Variants in MMP26 observed in about 807,000 individuals in gnomAD.
MMP26 encodes matrix metalloproteinase-26.
MMP26 carries 33 observed loss-of-function variants against 31.0 expected under a neutral mutation model. That is an observed-to-expected ratio of 1.06 (90% CI 0.81 to 1.42). MMP26 has a LOEUF of 1.42. Ranked by LOEUF, MMP26 falls within the 40% of genes most tolerant of loss-of-function variation. The probability of loss-of-function intolerance (pLI) is 0.00; values close to 1 mark genes in which losing one functional copy is unlikely to be tolerated. For synonymous variants in MMP26, 122 were observed against 114.9 expected (o/e 1.06, Z -0.40); for missense variants, 347 against 316.1 (o/e 1.10, Z -0.74).
At chr11:4,769,585 A>C (rs758286049) in intron 2 of MMP26, 1 of 1,613,466 alleles carries the variant, frequency 6.2e-7, no homozygotes, top group Non-Finnish European at 8.5e-7. Context: ...CAGATTCCAT[A>C]AAAGTGAATC....
Position 4,950,444 on chromosome 11 carries a change from G to T in MMP26, c.-144-37624G>T, listed in dbSNP as rs1205108691. On this transcript the variant is annotated intron_variant, in intron 2 of 7. Transcript: ENST00000380390. ...AGCCAGGCACAGAAAGACAAACACTGCATGTTCTCACTTAGATGTGGAATC... is the reference window on the plus strand; with the variant it reads ...AGCCAGGCACAGAAAGACAAACACTTCATGTTCTCACTTAGATGTGGAATC... 1.7e-5 allele frequency among the ~76,000 whole-genome samples: 2 copies of T among 120,628 alleles called. 1 individual carries two copies. The highest frequency in any genetic ancestry group is 1.9e-4 in the Admixed American group (2 of 10,632). The allele number at this position is 120,628 out of a possible 152,430, so 79.1% of individuals were successfully genotyped here.
chr11:4,743,496 G>C (rs1316920686), intron 1 of MMP26, among the ~76,000 whole-genome samples: 1 of 152,114 alleles, frequency 6.6e-6, no homozygotes, highest in African/African-American at 2.4e-5. Flanking sequence ...TGTAACCTAA[G>C]TTAACTGACA....
chr11:4,892,931 C>T (rs1298531332), intron 2 of MMP26, among the ~76,000 whole-genome samples: 1 of 152,118 alleles, frequency 6.6e-6, no homozygotes, highest in East Asian at 1.9e-4. Flanking sequence ...CTTTCACTCA[C>T]ATAGCATTTT....
chr11:4,796,845 A>C (rs1194623448), intron 2 of MMP26, among the ~76,000 whole-genome samples: 3 of 152,216 alleles, frequency 2.0e-5, no homozygotes, highest in Middle Eastern at 3.4e-3. Flanking sequence ...GAACCTTGGG[A>C]AAAGGATAAT....
intron 1 of MMP26, chr11:4,710,276 G>GA (rs759691664): frequency 3.1e-5 from 14 of 456,652 alleles, no homozygotes; most frequent in Non-Finnish European, 5.3e-5. Flanking sequence ...CAGAGGAGCA[G>GA]AAAAAGGCTT....
rs542683427 is a variant in MMP26 at position 4,744,194 on chromosome 11, C to A, written c.-216-23076C>A. Among the ~76,000 whole-genome samples the A allele has an allele frequency of 3.9e-5, 6 of 152,242 alleles. No individual in the cohort carries two copies. The East Asian group carries it at 1.2e-3, about 29-fold the overall frequency. ...AAATCTCAACTAGGTTTCACACTGACCGTATTTCCTTGATTTTTTTCCAGA... is the reference window on the plus strand; with the variant it reads ...AAATCTCAACTAGGTTTCACACTGAACGTATTTCCTTGATTTTTTTCCAGA... On this transcript the variant is annotated intron_variant, in intron 1 of 7. Coordinates refer to ENST00000380390, the MANE Select transcript of MMP26 (RefSeq NM_021801.5).
intron 1 of MMP26, among the ~76,000 whole-genome samples, chr11:4,726,197 C>T (rs1371570434): frequency 6.6e-6 from 1 of 152,092 alleles, no homozygotes; most frequent in Middle Eastern, 3.2e-3. Context: ...TTTTACTAGG[C>T]CGGGCATGGT....
At chr11:4,778,250 G>C (rs1848814115) in intron 2 of MMP26, among the ~76,000 whole-genome samples, 1 of 151,936 alleles carries the variant, frequency 6.6e-6, no homozygotes, top group South Asian at 2.1e-4. Flanking sequence ...GTGCTGTTTG[G>C]ATACTCCCTT....
chr11:4,872,347 C>A lies in MMP26; in HGVS notation c.-145+105006C>A, dbSNP rs7946800. Among the ~76,000 whole-genome samples, 491 of 152,176 alleles carry A rather than the reference C, an allele frequency of 3.2e-3. 2 individuals carry two copies. Among genetic ancestry groups the A allele is most frequent in the African/African-American group, 0.011 (473 of 41,544 alleles). ...AGTCTAGAATGATCACAATGCTCAG[C>A]AAGCATTACTTTTTCATTTCCTTCT... On this transcript the variant is annotated intron_variant, in intron 2 of 7. Coordinates refer to ENST00000380390, the MANE Select transcript of MMP26 (RefSeq NM_021801.5).
At chr11:4,915,591 G>GC in intron 2 of MMP26, 1 of 1,614,074 alleles carries the variant, frequency 6.2e-7, no homozygotes, top group Admixed American at 1.7e-5. Context: ...ATGCGCTCCA[G>GC]CCCAGGGATG....
At chr11:4,946,606 T>G (rs1846311130) in intron 2 of MMP26, 1 of 1,562,244 alleles carries the variant, frequency 6.4e-7, no homozygotes, top group African/African-American at 1.4e-5. Context: ...TCAAGTTTCT[T>G]AAAGTGAAAG....
chr11:4,952,779 A>T (rs10837020), intron 2 of MMP26, among the ~76,000 whole-genome samples: 48,423 of 123,410 alleles, frequency 0.39, 17,164 homozygotes, highest in South Asian at 0.55. Context: ...TAGCTTTTTT[A>T]AAATGCCTAA....
chr11:4,706,525 C>T (rs1018137063), intron 1 of MMP26, among the ~76,000 whole-genome samples: 5 of 135,278 alleles, frequency 3.7e-5, no homozygotes, highest in Non-Finnish European at 6.1e-5. Flanking sequence ...CTACAGTGAG[C>T]AGTGATTGCG....
chr11:4,810,174 G>A (rs11033998), intron 2 of MMP26, among the ~76,000 whole-genome samples: 1 of 151,712 alleles, frequency 6.6e-6, no homozygotes, highest in East Asian at 1.9e-4. Context: ...GGATTTGAAT[G>A]CTTGTGCAAA....
chr11:4,937,311 T>C (rs1846135400), intron 2 of MMP26: 2 of 152,212 alleles, frequency 1.3e-5, no homozygotes, highest in Admixed American at 6.5e-5. Flanking sequence ...AACGTCTATT[T>C]AGTTGCCACT....
chr11:4,936,465 A>G (rs1032567186), intron 2 of MMP26, among the ~76,000 whole-genome samples: 28 of 152,126 alleles, frequency 1.8e-4, no homozygotes, highest in African/African-American at 6.7e-4. Flanking sequence ...AATTCTTGAA[A>G]GATTGATATT....
chr11:4,727,465 G>T (rs558240313), intron 1 of MMP26, among the ~76,000 whole-genome samples: 1 of 152,130 alleles, frequency 6.6e-6, no homozygotes, highest in Admixed American at 6.5e-5. Flanking sequence ...AAAAAAATCT[G>T]TATTTTTTAA....
chr11:4,956,030 G>C lies in MMP26; in HGVS notation c.-144-32038G>C, dbSNP rs368852545. Among the ~76,000 whole-genome samples the C allele has an allele frequency of 1.1e-4, 16 of 152,230 alleles. No homozygotes were observed. In the East Asian group the frequency reaches 1.5e-3, roughly 15 times the overall value. ...TTACACGTCTGATTTTATTTTTCCT[G>C]TAAAATATGAGTAAATCCTAGTGAA... On this transcript the variant is annotated intron_variant, in intron 2 of 7. Coordinates refer to ENST00000380390, the MANE Select transcript of MMP26 (RefSeq NM_021801.5).
At chr11:4,826,206 G>T (rs1257282166) in intron 2 of MMP26, among the ~76,000 whole-genome samples, 1 of 152,056 alleles carries the variant, frequency 6.6e-6, no homozygotes, top group African/African-American at 2.4e-5. Flanking sequence ...CTCTCTAAGT[G>T]CAAGGGAAAC....
Sources: allele counts gnomAD v4.1 joint callset (sites outside exome capture counted in the v4.1 genomes callset), GRCh38; gene constraint gnomAD v4.1.1; transcripts MANE v1.5; gene names NCBI Gene and HGNC (gene_info 2026-07-23, HGNC 2026-07-21).